The following SLC5A11 variants were observed in gnomAD, a reference collection of about 807,000 sequenced individuals.
SLC5A11 encodes the protein sodium/myo-inositol cotransporter 2.
In SLC5A11, 48 loss-of-function variants were observed where a neutral mutation model predicts 69.8. The ratio of observed to expected loss-of-function variants is 0.69; its 90% CI spans 0.55 to 0.87. The LOEUF (loss-of-function observed/expected upper bound fraction) is 0.87. Among genes scored for constraint, SLC5A11 ranks in the 40% least tolerant of loss-of-function variants. SLC5A11 has a pLI of 0.00. For missense variants in SLC5A11, 784 were observed against 866.1 expected (o/e 0.91, Z 1.19); for synonymous variants, 319 against 342.4 (o/e 0.93, Z 0.75).
intron 4 of SLC5A11, 31 bp from the exon 6 acceptor site, chr16:24,872,129 G>C: frequency 6.2e-7 from 1 of 1,614,040 alleles, no homozygotes; most frequent in Non-Finnish European, 8.5e-7. Context: ...GTGAGCTGGG[G>C]GCCAAGTCCT....
chr16:24,877,280 T>G, exon 7 of SLC5A11: 1 of 1,614,116 alleles, frequency 6.2e-7, no homozygotes, highest in Non-Finnish European at 8.5e-7. Flanking sequence ...GCAGGTGCCA[T>G]CTTCATCCAG....
At chr16:24,897,944 C>A in intron 9 of SLC5A11, 30 bp from the exon 11 acceptor site, 1 of 1,610,972 alleles carries the variant, frequency 6.2e-7, no homozygotes, top group Non-Finnish European at 8.5e-7. Flanking sequence ...ATCAGCATTC[C>A]CAGTTTCCAA....
exon 14 of SLC5A11, chr16:24,909,007 T>C: frequency 1.2e-6 from 2 of 1,614,144 alleles, no homozygotes; most frequent in Non-Finnish European, 1.7e-6. Flanking sequence ...GAGCATTCAC[T>C]ACCTCTACTT....
At chr16:24,848,658 C>A (rs1200318513) in intron 1 of SLC5A11, among the ~76,000 whole-genome samples, 1 of 152,068 alleles carries the variant, frequency 6.6e-6, no homozygotes, top group Non-Finnish European at 1.5e-5. Flanking sequence ...TGTGGTCCCA[C>A]CTACTTGGGA....
exon 12 of SLC5A11, chr16:24,907,079 C>T (rs2050124418): frequency 6.2e-7 from 1 of 1,614,054 alleles, no homozygotes; most frequent in Admixed American, 1.7e-5. Flanking sequence ...TCCTCCCTCA[C>T]CTCCATCTTT....
intron 13 of SLC5A11, among the ~76,000 whole-genome samples, chr16:24,908,397 G>A (rs1335656494): frequency 6.6e-6 from 1 of 152,128 alleles, no homozygotes; most frequent in African/African-American, 2.4e-5. Context: ...TCAGGAGTTT[G>A]AGACCAGCCT....
intron 5 of SLC5A11, among the ~76,000 whole-genome samples, chr16:24,873,374 TA>T (rs2152310283): frequency 6.6e-6 from 1 of 152,106 alleles, no homozygotes; most frequent in East Asian, 1.9e-4. Context: ...CTCAGGGCCA[TA>T]ATCTCAGCTC....
chr16:24,898,039 T>C, exon 10 of SLC5A11: 2 of 1,614,202 alleles, frequency 1.2e-6, no homozygotes, highest in Non-Finnish European at 1.7e-6. Flanking sequence ...CTCTGATGGC[T>C]GCATACCTGA....
At chr16:24,849,593 A>AAAAAAAAAATAT in intron 1 of SLC5A11, among the ~76,000 whole-genome samples, 5 of 35,904 alleles carry the variant, frequency 1.4e-4, no homozygotes, top group Admixed American at 3.8e-4. Context: ...AAAAAAAAAA[A>AAAAAAAAAATAT]ATATATATAT....
intron 1 of SLC5A11, among the ~76,000 whole-genome samples, chr16:24,853,647 G>A (rs1172197123): frequency 6.6e-6 from 1 of 152,210 alleles, no homozygotes; most frequent in Admixed American, 6.5e-5. Context: ...CCAAACCTGG[G>A]TTGGGATCCC....
chr16:24,911,097 AG>A (rs2050483821), intron 15 of SLC5A11, among the ~76,000 whole-genome samples: 1 of 138,444 alleles, frequency 7.2e-6, no homozygotes, highest in Non-Finnish European at 1.5e-5. Flanking sequence ...TGAACCTGGG[AG>A]GTGGAGGTTG....
chr16:24,905,640 GCACACACACACACA>G lies in SLC5A11; in HGVS notation c.1007-986_1007-973del, dbSNP rs56335988. 5.4e-4 allele frequency among the ~76,000 whole-genome samples: 74 copies of G among 136,780 alleles called. 1 individual carries two copies. The highest frequency in any genetic ancestry group is 1.0e-3 in the African/African-American group (36 of 35,502). 89.7% of individuals were successfully genotyped at this position (136,780 alleles called of 152,430 possible). On this transcript the variant is annotated intron_variant, in intron 10 of 15. Coordinates refer to ENST00000347898, the Ensembl canonical transcript of SLC5A11. ...CCATCTCAAAAACACGCGCGCGCGC[GCACACACACACACA>G]CACACACACACACACACACACACAC...
At chr16:24,848,809 AAAT>A (rs1318406966) in intron 1 of SLC5A11, among the ~76,000 whole-genome samples, 4 of 152,234 alleles carry the variant, frequency 2.6e-5, no homozygotes, top group Admixed American at 2.6e-4. Context: ...AACAAAAATA[AAAT>A]AATAAAATAA....
At chr16:24,909,724 G>A (rs1203740513) in intron 14 of SLC5A11, among the ~76,000 whole-genome samples, 1 of 150,230 alleles carries the variant, frequency 6.7e-6, no homozygotes, top group African/African-American at 2.5e-5. Flanking sequence ...AGCTGCTAGG[G>A]AGGCTGAGGC....
intron 14 of SLC5A11, among the ~76,000 whole-genome samples, chr16:24,909,643 C>CAAAAAAAGAA (rs2050347046): frequency 2.0e-5 from 1 of 48,906 alleles, no homozygotes; most frequent in Non-Finnish European, 3.5e-5. Context: ...CCCTGTCTCA[C>CAAAAAAAGAA]AAAAAAAAAA....
At chr16:24,884,222 C>A in intron 8 of SLC5A11, 91 bp downstream of exon 9, 1 of 1,284,836 alleles carries the variant, frequency 7.8e-7, no homozygotes, top group Non-Finnish European at 1.1e-6. Flanking sequence ...GCAAACCTAG[C>A]TGTCAAAGAG....
intron 10 of SLC5A11, among the ~76,000 whole-genome samples, chr16:24,898,973 C>T (rs919276603): frequency 2.0e-5 from 3 of 151,766 alleles, no homozygotes; most frequent in African/African-American, 7.3e-5. Flanking sequence ...TGCACTACCA[C>T]ACCTGGCTAT....
chr16:24,881,844 G>A (rs929385078), intron 7 of SLC5A11, among the ~76,000 whole-genome samples: 3 of 62,598 alleles, frequency 4.8e-5, no homozygotes, highest in Admixed American at 4.2e-4. Flanking sequence ...CAGCAACCCT[G>A]GTGGTAAGAG....
At chr16:24,861,580 A>C (rs2046543449) in intron 2 of SLC5A11, among the ~76,000 whole-genome samples, 1 of 146,550 alleles carries the variant, frequency 6.8e-6, no homozygotes, top group African/African-American at 2.5e-5. Context: ...AGAGAAAGAA[A>C]GAGAAAGAGA....
Sources: gnomAD v4.1 joint callset for allele counts (sites outside exome capture counted in the v4.1 genomes callset) on GRCh38, gnomAD v4.1.1 for gene constraint, MANE v1.5 for transcripts, NCBI Gene and HGNC (gene_info 2026-07-23, HGNC 2026-07-21) for gene names.